SDK1: variants seen among roughly 807,000 people sequenced by gnomAD.
SDK1 encodes the protein sidekick cell adhesion molecule 1.
In SDK1, 157 loss-of-function variants were observed where a neutral mutation model predicts 245.5. That is an observed-to-expected ratio of 0.64 (90% confidence interval 0.56 to 0.73). SDK1 has a LOEUF of 0.73. Ranked by LOEUF, SDK1 falls within the 30% of genes least tolerant of loss-of-function variation. The probability of loss-of-function intolerance (pLI) is 0.00; values close to 1 mark genes in which losing one functional copy is unlikely to be tolerated. For missense variants in SDK1, 3,583 were observed against 3,002.3 expected (o/e 1.19, Z -4.52); for synonymous variants, 1,647 against 1,278.5 (o/e 1.29, Z -6.15).
In SDK1 at chr7:3,964,947, A is replaced by G. The variant is rs916259446; in HGVS notation, c.1429+2096A>G. Among the ~76,000 whole-genome samples the G allele has an allele frequency of 2.0e-5, 3 of 152,242 alleles. No individual in the cohort carries two copies. The South Asian group carries it at 6.2e-4, about 31-fold the overall frequency. ...AACCAATATTGCTTCAAGCAGTAGA[A>G]ATAATATGGAATGCTCAAGTCAGAA... On this transcript the variant is annotated intron_variant, in intron 9 of 44. Coordinates refer to ENST00000404826, the MANE Select transcript of SDK1 (RefSeq NM_152744.4).
intron 17 of SDK1, among the ~76,000 whole-genome samples, chr7:4,033,484 G>C (rs1445736053): frequency 2.0e-5 from 3 of 152,082 alleles, no homozygotes; most frequent in Admixed American, 6.6e-5. Flanking sequence ...GCTTTAAAAA[G>C]CTAAAATATT....
intron 1 of SDK1, among the ~76,000 whole-genome samples, chr7:3,551,144 A>C (rs1779394602): frequency 6.6e-6 from 1 of 152,096 alleles, no homozygotes; most frequent in African/African-American, 2.4e-5. Flanking sequence ...TGTTTATTGT[A>C]ACCGTAGTTT....
intron 1 of SDK1, among the ~76,000 whole-genome samples, chr7:3,567,566 T>C (rs1448327815): frequency 6.6e-6 from 1 of 152,220 alleles, no homozygotes; most frequent in East Asian, 1.9e-4. Context: ...ATGCTAGTCA[T>C]TGCTAACAGA....
chr7:4,112,159 A>G (rs73046430), intron 23 of SDK1, among the ~76,000 whole-genome samples: 8,218 of 152,238 alleles, frequency 0.054, 273 homozygotes, highest in African/African-American at 0.074. Flanking sequence ...ACATCAATCA[A>G]TATATGCAAG....
chr7:3,809,598 A>G (rs1276782441), intron 4 of SDK1, among the ~76,000 whole-genome samples: 2 of 152,220 alleles, frequency 1.3e-5, no homozygotes, highest in Non-Finnish European at 2.9e-5. Context: ...CAGACTGGAA[A>G]GGTGATGGAA....
In SDK1 at chr7:3,967,407, C is replaced by T; in HGVS notation, c.1519C>T (p.Pro507Ser). Residue 507 changes from proline (P) to serine (S), a missense_variant, in exon 10 of 45, where the codon CCC becomes TCC. Coordinates refer to ENST00000404826, the MANE Select transcript of SDK1 (RefSeq NM_152744.4). The stretch of plus-strand genomic sequence containing the variant: ...TCTAAGGTGTGAGGTGTCCGGGGCT[C>T]CCAAACCCGCCATCACCTGGAAAAG... ...AILRCEVSGA[P>S]KPAITWKREN... 1.2e-6 allele frequency: 2 copies of T among 1,613,768 alleles called. No homozygotes were observed. Among genetic ancestry groups the T allele is most frequent in the Non-Finnish European group, 1.7e-6 (2 of 1,179,682 alleles).
intron 5 of SDK1, among the ~76,000 whole-genome samples, chr7:3,833,994 A>C (rs1779974458): frequency 6.6e-6 from 1 of 152,198 alleles, no homozygotes; most frequent in Non-Finnish European, 1.5e-5. Context: ...ACAGATTTTG[A>C]ATATCATCTC....
rs548664837 is a variant in SDK1 at position 4,198,153 on chromosome 7, G to A, written c.5099-7726G>A. 2.0e-4 allele frequency among the ~76,000 whole-genome samples: 31 copies of A among 152,338 alleles called. No individual in the cohort carries two copies. The South Asian group carries it at 5.2e-3, about 25-fold the overall frequency. On this transcript the variant is annotated intron_variant, in intron 35 of 44. Coordinates refer to ENST00000404826, the MANE Select transcript of SDK1 (RefSeq NM_152744.4). The stretch of plus-strand genomic sequence containing the variant: ...TGCCCCGTAGGGCCTCTCATGTCAC[G>A]TCACCTGCCTCTGTGGAAATGTCCT...
At chr7:3,769,843 G>T (rs1780356120) in intron 4 of SDK1, among the ~76,000 whole-genome samples, 1 of 151,814 alleles carries the variant, frequency 6.6e-6, no homozygotes, top group Admixed American at 6.6e-5. Flanking sequence ...GGGGTCCCTA[G>T]CCAGTTTTCC....
intron 5 of SDK1, among the ~76,000 whole-genome samples, chr7:3,844,781 C>G (rs1299648005): frequency 6.6e-6 from 1 of 152,190 alleles, no homozygotes; most frequent in African/African-American, 2.4e-5. Context: ...GACCTGTGAG[C>G]CTCTCGTGCT....
intron 1 of SDK1, among the ~76,000 whole-genome samples, chr7:3,375,455 T>C (rs1781331078): frequency 6.6e-6 from 1 of 152,176 alleles, no homozygotes; most frequent in Non-Finnish European, 1.5e-5. Flanking sequence ...CATTGCCTTG[T>C]AGTATTCTTA....
intron 44 of SDK1, among the ~76,000 whole-genome samples, chr7:4,256,975 G>A (rs1307458405): frequency 1.3e-5 from 2 of 152,116 alleles, no homozygotes; most frequent in African/African-American, 2.4e-5. Context: ...TCTGAATTAT[G>A]TCCTAAGTGT....
intron 24 of SDK1, 45 bp downstream of exon 24, chr7:4,113,484 G>C (rs1265561376): frequency 6.2e-7 from 1 of 1,604,408 alleles, no homozygotes; most frequent in African/African-American, 1.3e-5. Context: ...CGGGTCCTGA[G>C]TGAGCCAGGG....
chr7:4,140,027 G>A (rs1199378454), intron 28 of SDK1, among the ~76,000 whole-genome samples: 1 of 152,074 alleles, frequency 6.6e-6, no homozygotes, highest in Non-Finnish European at 1.5e-5. Flanking sequence ...GGTGATTCCT[G>A]CCAGGCCCAC....
intron 42 of SDK1, among the ~76,000 whole-genome samples, chr7:4,237,994 G>T (rs1430846889): frequency 1.3e-5 from 2 of 152,134 alleles, no homozygotes; most frequent in African/African-American, 4.8e-5. Flanking sequence ...TGCTGACCCT[G>T]CCTGCCCTCA....
rs571163281 is a variant in SDK1, at chr7:4,174,776, C to G, written c.4936+419C>G. On this transcript the variant is annotated intron_variant, in intron 33 of 44. Coordinates refer to ENST00000404826, the MANE Select transcript of SDK1 (RefSeq NM_152744.4). ...GCGTGGAGCCCATGGTGCTCACCCC[C>G]GGGCTGATTTTGGCTCTGCCTGCAC... Among the ~76,000 whole-genome samples, 15 of 152,238 alleles carry G rather than the reference C, an allele frequency of 9.9e-5. No individual in the cohort carries two copies. In the East Asian group the frequency reaches 2.7e-3, roughly 28 times the overall value.
chr7:3,968,051 G>A (rs1260933186), intron 10 of SDK1, among the ~76,000 whole-genome samples: 1 of 152,210 alleles, frequency 6.6e-6, no homozygotes, highest in African/African-American at 2.4e-5. Flanking sequence ...GGCCTCCTCG[G>A]GCCTTACCGT....
chr7:3,779,171 G>A (rs889758110), intron 4 of SDK1, among the ~76,000 whole-genome samples: 1 of 152,028 alleles, frequency 6.6e-6, no homozygotes, highest in African/African-American at 2.4e-5. Flanking sequence ...CTATCTTTAG[G>A]ACTAGGTATA....
At chr7:4,041,130 C>G (rs1243113342) in intron 17 of SDK1, among the ~76,000 whole-genome samples, 1 of 152,156 alleles carries the variant, frequency 6.6e-6, no homozygotes, top group Non-Finnish European at 1.5e-5. Context: ...GAGAAACAAC[C>G]TGCAAGTGAA....
Sources: gnomAD v4.1 joint callset for allele counts (sites outside exome capture counted in the v4.1 genomes callset) on GRCh38, gnomAD v4.1.1 for gene constraint, MANE v1.5 for transcripts, NCBI Gene and HGNC (gene_info 2026-07-23, HGNC 2026-07-21) for gene names.